The following CDH13 variants were observed in gnomAD, a reference collection of about 807,000 sequenced individuals.
CDH13 encodes the protein cadherin-13.
A neutral mutation model predicts 63.8 loss-of-function variants in CDH13; 24 were observed. The observed-to-expected ratio is 0.38, with a 90% CI of 0.27 to 0.53. The LOEUF is 0.53. CDH13 is among the 20% of genes least tolerant of loss of function. The pLI is 0.85. For missense variants in CDH13, 1,049 were observed against 903.1 expected (o/e 1.16, Z -2.07); for synonymous variants, 503 against 355.3 (o/e 1.42, Z -4.67).
chr16:83,072,386 A>G (rs1283087731), intron 3 of CDH13, among the ~76,000 whole-genome samples: 1 of 152,228 alleles, frequency 6.6e-6, no homozygotes, highest in Non-Finnish European at 1.5e-5. Context: ...CATGTACATT[A>G]CAATATGATC....
chr16:83,278,997 A>T (rs1014555603), intron 5 of CDH13, among the ~76,000 whole-genome samples: 1 of 152,118 alleles, frequency 6.6e-6, no homozygotes, highest in Non-Finnish European at 1.5e-5. Flanking sequence ...TAGTAGTGAC[A>T]TCTTTCCTTT....
At chr16:82,965,943 C>T (rs1049062682) in intron 2 of CDH13, among the ~76,000 whole-genome samples, 3 of 152,162 alleles carry the variant, frequency 2.0e-5, no homozygotes, top group Non-Finnish European at 2.9e-5. Flanking sequence ...AGAAAAAGTG[C>T]ACATGTAAAG....
At chr16:83,321,368 G>A (rs574933620) in intron 5 of CDH13, among the ~76,000 whole-genome samples, 5 of 152,104 alleles carry the variant, frequency 3.3e-5, no homozygotes, top group Non-Finnish European at 5.9e-5. Flanking sequence ...TTGGAGGCAC[G>A]TCACTCACCC....
At chr16:83,090,844 T>G (rs1376849374) in intron 3 of CDH13, among the ~76,000 whole-genome samples, 1 of 152,138 alleles carries the variant, frequency 6.6e-6, no homozygotes, top group African/African-American at 2.4e-5. Flanking sequence ...ACATACGCTT[T>G]TTAAGCTGTG....
At chr16:82,684,160 A>G (rs1346340958) in intron 1 of CDH13, among the ~76,000 whole-genome samples, 3 of 152,336 alleles carry the variant, frequency 2.0e-5, no homozygotes, top group African/African-American at 7.2e-5. Context: ...TGATGGGGAA[A>G]GGGCCCAGGT....
intron 3 of CDH13, among the ~76,000 whole-genome samples, chr16:83,086,607 C>G (rs1169066695): frequency 6.6e-6 from 1 of 152,202 alleles, no homozygotes; most frequent in Non-Finnish European, 1.5e-5. Flanking sequence ...GCAAGATATC[C>G]TGACATTGCT....
In CDH13 at chr16:83,481,692, C is replaced by T. The variant is rs751074867; in HGVS notation, c.782-4785C>T. ...AGGAACCTGGGATGTTTTCTTCCCC[C>T]TTTGGAGGAGCTGCTGCTAGTTCAT... On this transcript the variant is annotated intron_variant, in intron 6 of 13. Coordinates refer to ENST00000567109, the MANE Select transcript of CDH13 (RefSeq NM_001257.5). Among the ~76,000 whole-genome samples the T allele has an allele frequency of 4.6e-5, 7 of 152,268 alleles. No individual in the cohort carries two copies. The East Asian group carries it at 7.7e-4, about 17-fold the overall frequency.
intron 6 of CDH13, among the ~76,000 whole-genome samples, chr16:83,467,594 C>T (rs1160147007): frequency 1.3e-5 from 2 of 152,212 alleles, no homozygotes; most frequent in Admixed American, 1.3e-4. Flanking sequence ...GGAGTTGGTT[C>T]TCAAGAAACT....
At chr16:83,128,202 G>A (rs1410010050) in intron 4 of CDH13, among the ~76,000 whole-genome samples, 1 of 152,192 alleles carries the variant, frequency 6.6e-6, no homozygotes, top group East Asian at 1.9e-4. Flanking sequence ...TGAGGACCAT[G>A]CATCAATATA....
chr16:83,469,219 T>C (rs1389497956), intron 6 of CDH13, among the ~76,000 whole-genome samples: 1 of 152,158 alleles, frequency 6.6e-6, no homozygotes, highest in African/African-American at 2.4e-5. Context: ...GACTTGCAAA[T>C]AGAGCCTGAA....
intron 3 of CDH13, among the ~76,000 whole-genome samples, chr16:83,116,910 G>A (rs999466261): frequency 6.6e-6 from 1 of 152,168 alleles, no homozygotes; most frequent in Non-Finnish European, 1.5e-5. Context: ...TTCACTGCAG[G>A]ACAATGTAGG....
chr16:83,196,411 C>A (rs371715951), intron 4 of CDH13, among the ~76,000 whole-genome samples: 1 of 151,984 alleles, frequency 6.6e-6, no homozygotes, highest in East Asian at 1.9e-4. Context: ...CAGGTGTGAA[C>A]CCTAAAATGA....
chr16:82,677,115 C>T (rs367545069), intron 1 of CDH13, among the ~76,000 whole-genome samples: 1 of 152,222 alleles, frequency 6.6e-6, no homozygotes, highest in Non-Finnish European at 1.5e-5. Flanking sequence ...ATCTCTTGAC[C>T]TCATGATCCA....
intron 3 of CDH13, among the ~76,000 whole-genome samples, chr16:83,087,447 A>G (rs954495830): frequency 6.6e-6 from 1 of 152,144 alleles, no homozygotes; most frequent in African/African-American, 2.4e-5. Flanking sequence ...AGGCGGGCAG[A>G]TCACGAGGTC....
chr16:83,196,832 T>C (rs913087511), intron 4 of CDH13, among the ~76,000 whole-genome samples: 4 of 152,214 alleles, frequency 2.6e-5, no homozygotes, highest in African/African-American at 7.2e-5. Flanking sequence ...CACTCAGACA[T>C]TGCTGGTAGA....
chr16:83,259,152 G>T (rs1404516698), intron 5 of CDH13, among the ~76,000 whole-genome samples: 1 of 152,242 alleles, frequency 6.6e-6, no homozygotes, highest in East Asian at 1.9e-4. Flanking sequence ...GGCTGAGGGG[G>T]ACAGTCACTA....
rs61268667 is a variant in CDH13 at position 83,753,064 on chromosome 16, A to G, written c.1681+4814A>G. Among the ~76,000 whole-genome samples the G allele has an allele frequency of 4.7e-3, 717 of 152,346 alleles. 4 individuals carry two copies. Among genetic ancestry groups the G allele is most frequent in the African/African-American group, 0.016 (666 of 41,566 alleles). ...GTAAATAGAAACCAGGTTGGCATTA[A>G]CATACAAAACCATCGTTAGGAATAA... On this transcript the variant is annotated intron_variant, in intron 11 of 13. Coordinates refer to ENST00000567109, the MANE Select transcript of CDH13 (RefSeq NM_001257.5).
At chr16:82,673,946 T>C (rs985438081) in intron 1 of CDH13, among the ~76,000 whole-genome samples, 2 of 152,232 alleles carry the variant, frequency 1.3e-5, no homozygotes, top group Admixed American at 6.5e-5. Context: ...TGAGTTGGTT[T>C]AGTTTGTTAA....
chr16:82,944,603 A>T (rs923516767), intron 2 of CDH13, among the ~76,000 whole-genome samples: 1 of 152,152 alleles, frequency 6.6e-6, no homozygotes, highest in Non-Finnish European at 1.5e-5. Flanking sequence ...GGGTGGTGTT[A>T]ACATCCTACA....
Sources: gnomAD v4.1 joint callset for allele counts (sites outside exome capture counted in the v4.1 genomes callset) on GRCh38, gnomAD v4.1.1 for gene constraint, MANE v1.5 for transcripts, NCBI Gene and HGNC (gene_info 2026-07-23, HGNC 2026-07-21) for gene names.